The following MAP1B variants were observed in gnomAD, a reference collection of about 807,000 sequenced individuals.
MAP1B encodes microtubule associated protein 1B.
Under a neutral mutation model 176.1 loss-of-function variants are expected in MAP1B, and 12 were observed. The observed-to-expected ratio is 0.07, with a 90% CI of 0.04 to 0.11. MAP1B has a LOEUF of 0.11. Among genes scored for constraint, MAP1B ranks in the 10% least tolerant of loss-of-function variants. The pLI, the probability that MAP1B is intolerant of heterozygous loss-of-function variation, is 1.00. For missense variants in MAP1B, 2,523 were observed against 2,990.5 expected (o/e 0.84, Z 3.65); for synonymous variants, 1,044 against 1,135.0 (o/e 0.92, Z 1.61).
At chr5:72,115,989 C>A (rs779373531) in intron 2 of MAP1B, 190 bp downstream of exon 2, 12 of 509,148 alleles carry the variant, frequency 2.4e-5, no homozygotes, top group Non-Finnish European at 3.9e-5. Context: ...TGTGGGTTAT[C>A]TATTTTGTGG....
intron 6 of MAP1B, 124 bp downstream of exon 6, chr5:72,203,925 G>A: frequency 1.3e-6 from 1 of 743,962 alleles, no homozygotes; most frequent in South Asian, 1.7e-5. Flanking sequence ...TGCCTCCTGT[G>A]TCTGTCACAC....
chr5:72,184,360 G>C (rs538711576), intron 3 of MAP1B, among the ~76,000 whole-genome samples: 1 of 152,308 alleles, frequency 6.6e-6, no homozygotes, highest in East Asian at 1.9e-4. Context: ...TTACTAGGTG[G>C]GAGCCTCAAG....
chr5:72,191,690 C>A (rs1249210708), intron 4 of MAP1B, among the ~76,000 whole-genome samples: 2 of 152,208 alleles, frequency 1.3e-5, no homozygotes, highest in Non-Finnish European at 2.9e-5. Flanking sequence ...TCAGAGGGAC[C>A]AGATTTTCCT....
intron 2 of MAP1B, among the ~76,000 whole-genome samples, chr5:72,150,075 T>A (rs557009579): frequency 6.6e-6 from 1 of 152,358 alleles, no homozygotes; most frequent in East Asian, 1.9e-4. Context: ...ACCTAGGTTT[T>A]TACCCATTTT....
At chr5:72,153,588 G>A (rs1366229543) in intron 2 of MAP1B, among the ~76,000 whole-genome samples, 1 of 151,842 alleles carries the variant, frequency 6.6e-6, no homozygotes, top group Non-Finnish European at 1.5e-5. Context: ...CACAGAGCTG[G>A]GTGATATGTG....
At chr5:72,176,158 G>T (rs963898167) in intron 2 of MAP1B, among the ~76,000 whole-genome samples, 1 of 152,246 alleles carries the variant, frequency 6.6e-6, no homozygotes, top group Non-Finnish European at 1.5e-5. Flanking sequence ...TGCCCTCAGG[G>T]CGTGTGTGGG....
intron 2 of MAP1B, among the ~76,000 whole-genome samples, chr5:72,167,156 T>C (rs933534886): frequency 2.0e-5 from 3 of 152,256 alleles, no homozygotes; most frequent in South Asian, 2.1e-4. Context: ...ATTTACATCA[T>C]GGTTTAGCGT....
At chr5:72,149,165 T>C (rs1301754375) in intron 2 of MAP1B, among the ~76,000 whole-genome samples, 1 of 152,236 alleles carries the variant, frequency 6.6e-6, no homozygotes, top group African/African-American at 2.4e-5. Flanking sequence ...AGTACTCTCA[T>C]GTAAATCCCT....
At position 72,186,827 on chromosome 5, in the gene MAP1B, G is replaced by C. The variant is rs2112218097; in HGVS notation, c.510+73G>C. On this transcript the variant is annotated intron_variant, in intron 4 of 6. Coordinates refer to ENST00000296755, the MANE Select transcript of MAP1B (RefSeq NM_005909.5). The surrounding 1 kb of genome is among the most constrained non-coding windows in gnomAD (Gnocchi z 4.3). ...TTAGGTTCCTCTTTGAGAGCACTGG[G>C]GGAGACAAAAGAAGAAGGGAGGGAA... 1 of 1,559,958 alleles carries C rather than the reference G, an allele frequency of 6.4e-7. No individual in the cohort carries two copies. Among genetic ancestry groups the C allele is most frequent in the East Asian group, 2.3e-5 (1 of 44,416 alleles).
At chr5:72,191,175 T>G (rs1438241888) in intron 4 of MAP1B, among the ~76,000 whole-genome samples, 1 of 152,198 alleles carries the variant, frequency 6.6e-6, no homozygotes, top group African/African-American at 2.4e-5. Flanking sequence ...CTGAGCCTGA[T>G]TATGTATTGA....
At chr5:72,109,480 AT>A (rs1745270666) in intron 1 of MAP1B, among the ~76,000 whole-genome samples, 2 of 152,024 alleles carry the variant, frequency 1.3e-5, no homozygotes, top group African/African-American at 4.8e-5. Flanking sequence ...ATGACTTTGG[AT>A]TTTTTTCTTT....
chr5:72,107,749 G>A (rs752005627), intron 1 of MAP1B, 34 bp downstream of exon 1: 4 of 1,594,386 alleles, frequency 2.5e-6, no homozygotes, highest in Non-Finnish European at 2.5e-6. Flanking sequence ...GACGCGCGCT[G>A]GGAGACGCGC....
At chr5:72,183,647 G>T in intron 2 of MAP1B, 96 bp from the exon 3 acceptor site, 1 of 819,540 alleles carries the variant, frequency 1.2e-6, no homozygotes, top group South Asian at 1.5e-5. Flanking sequence ...CCACGTCGGA[G>T]GCAGAAATTC....
chr5:72,137,887 T>C (rs1032567356), intron 2 of MAP1B, among the ~76,000 whole-genome samples: 5 of 152,210 alleles, frequency 3.3e-5, no homozygotes, highest in Non-Finnish European at 7.4e-5. Context: ...TTACTCATTT[T>C]TCATTTCCAA....
Position 72,203,779 on chromosome 5 carries a change from C to T in MAP1B, c.7229C>T (p.Ala2410Val), listed in dbSNP as rs1747383737. 4.3e-6 allele frequency: 7 copies of T among 1,612,552 alleles called. No homozygotes were observed. Among genetic ancestry groups the T allele is most frequent in the Non-Finnish European group, 5.9e-6 (7 of 1,180,034 alleles). The change falls in exon 6 of 7, where the codon GCT becomes GTT. Residue 2410 changes from alanine (A) to valine (V), a missense_variant. By Grantham distance (64) the Ala-to-Val change is moderately conservative. Around this residue, in one of 4 missense-constraint regions of MAP1B, gnomAD observed 287 missense variants for 401.5 expected, o/e 0.71. Transcript: ENST00000296755. Reference protein sequence around the residue: ...AVLDALLEGKAQWGSNMQVTL... With the variant: ...AVLDALLEGKVQWGSNMQVTL... ...CTGGACGCTTTGTTGGAAGGAAAGG[C>T]TCAGTGGGGCAGCAACATGCAGGTG...
chr5:72,178,340 G>A (rs1438239807), intron 2 of MAP1B, among the ~76,000 whole-genome samples: 2 of 152,242 alleles, frequency 1.3e-5, no homozygotes, highest in African/African-American at 2.4e-5. Context: ...TTTAGTGCTT[G>A]TGGTCTTTCT....
At chr5:72,126,957 T>C (rs1253198713) in intron 2 of MAP1B, among the ~76,000 whole-genome samples, 1 of 152,264 alleles carries the variant, frequency 6.6e-6, no homozygotes, top group Non-Finnish European at 1.5e-5. Flanking sequence ...ATGGGTGTTT[T>C]ATCTTCACAG....
chr5:72,145,531 G>A (rs1330347657), intron 2 of MAP1B, among the ~76,000 whole-genome samples: 2 of 152,190 alleles, frequency 1.3e-5, no homozygotes, highest in Non-Finnish European at 2.9e-5. Flanking sequence ...TTGTCATTCT[G>A]ATGGAGAATA....
At chr5:72,162,153 A>C (rs1481636348) in intron 2 of MAP1B, among the ~76,000 whole-genome samples, 1 of 152,142 alleles carries the variant, frequency 6.6e-6, no homozygotes, top group African/African-American at 2.4e-5. Flanking sequence ...GCTGCGTGCA[A>C]CCTAACATTC....
Sources: gnomAD v4.1 joint callset for allele counts (sites outside exome capture counted in the v4.1 genomes callset) on GRCh38, gnomAD v4.1.1 for gene constraint, gnomAD v4.1.1 regional missense constraint, Gnocchi (gnomAD v3.1) non-coding constraint, MANE v1.5 for transcripts, NCBI Gene and HGNC (gene_info 2026-07-23, HGNC 2026-07-21) for gene names.